Variants in TECR observed in about 807,000 individuals in gnomAD.
The protein encoded by TECR is trans-2,3-enoyl-CoA reductase, also known as very-long-chain enoyl-CoA reductase.
In TECR, 19 loss-of-function variants were observed where a neutral mutation model predicts 50.6. That is an observed-to-expected ratio of 0.38 (90% CI 0.26 to 0.55). TECR has a LOEUF of 0.55. Among genes scored for constraint, TECR ranks in the 20% least tolerant of loss-of-function variants. The pLI is 0.79. For missense variants in TECR, 313 were observed against 408.3 expected, an observed-to-expected ratio of 0.77 and a Z score of 2.01; for synonymous variants, 168 against 163.5, an observed-to-expected ratio of 1.03 and a Z score of -0.21.
At chr19:14,536,879 G>A (rs2072916526) in intron 1 of TECR, among the ~76,000 whole-genome samples, 1 of 151,282 alleles carries the variant, frequency 6.6e-6, no homozygotes, top group African/African-American at 2.4e-5. Flanking sequence ...GCTTGGTGCA[G>A]CACCTTGCAG....
At chr19:14,557,114 CTTATTTATTTAT>C (rs3050003) in intron 1 of TECR, among the ~76,000 whole-genome samples, 201 of 140,446 alleles carry the variant, frequency 1.4e-3, no homozygotes, top group African/African-American at 4.8e-3. Flanking sequence ...TTGGTCTAAT[CTTATTTATTTAT>C]TTATTTATTT....
intron 1 of TECR, chr19:14,562,055 C>T (rs1323447914): frequency 5.7e-6 from 2 of 351,490 alleles, no homozygotes; most frequent in African/African-American, 4.1e-5. Flanking sequence ...TTTGAGGTGA[C>T]CACTCAAAAG....
chr19:14,562,843 G>C (rs780663211), intron 2 of TECR, among the ~76,000 whole-genome samples: 5 of 152,142 alleles, frequency 3.3e-5, no homozygotes, highest in East Asian at 1.9e-4. Context: ...GGCCGGGCCT[G>C]GGGGAAGGGG....
In TECR at chr19:14,556,616, G is replaced by C. The variant is rs192317699; in HGVS notation, c.16-5909G>C. Among the ~76,000 whole-genome samples the C allele has an allele frequency of 2.6e-5, 4 of 152,216 alleles. No homozygotes were observed. The South Asian group carries it at 8.3e-4, about 32-fold the overall frequency. Reference sequence around the variant, plus strand: ...GCCATATCCCAGGAACTGGAACAGTGCCTGGGGTATGGGAAGGAGGGAGTC... The same window carrying C: ...GCCATATCCCAGGAACTGGAACAGTCCCTGGGGTATGGGAAGGAGGGAGTC... On this transcript the variant is annotated intron_variant, in intron 1 of 12. Transcript: ENST00000215567.
intron 1 of TECR, among the ~76,000 whole-genome samples, chr19:14,547,408 TG>T (rs1358136101): frequency 6.6e-6 from 1 of 152,178 alleles, no homozygotes; most frequent in Non-Finnish European, 1.5e-5. Flanking sequence ...TTGCCCAGGC[TG>T]GAGTGCAGTG....
At position 14,564,075 on chromosome 19, in the gene TECR, T is replaced by A; in HGVS notation, c.361T>A (p.Ser121Thr). 6.2e-7 allele frequency: 1 copy of A among 1,612,980 alleles called. No individual in the cohort carries two copies. Among genetic ancestry groups the A allele is most frequent in the Non-Finnish European group, 8.5e-7 (1 of 1,179,918 alleles). Residue 121 changes from serine (S) to threonine (T), a missense_variant, in exon 6 of 13, where the codon TCC becomes ACC. Physicochemically the swap from Ser to Thr is moderately conservative, Grantham distance 58 (BLOSUM62 1). Coordinates refer to ENST00000215567, the MANE Select transcript of TECR (RefSeq NM_138501.6). ...FIYGHKYDFT[S>T]SRHTVVHLAC... Reference sequence around the variant, plus strand: ...CTATGGCCACAAATATGACTTTACGTCCAGTCGGCATACAGTGGTGCAGTA... The same window carrying A: ...CTATGGCCACAAATATGACTTTACGACCAGTCGGCATACAGTGGTGCAGTA...
chr19:14,559,266 A>G (rs2073835180), intron 1 of TECR, among the ~76,000 whole-genome samples: 1 of 152,020 alleles, frequency 6.6e-6, no homozygotes, highest in East Asian at 1.9e-4. Context: ...TGCAGCCTCC[A>G]CCTCTGTCTC....
rs1258953177 is a variant in TECR, at chr19:14,543,587, C to T, written c.15+13876C>T. On this transcript the variant is annotated intron_variant, in intron 1 of 12. Coordinates refer to ENST00000215567, the MANE Select transcript of TECR (RefSeq NM_138501.6). ...CCGAGTAGCTGGGACTACAGGCGCCCGCTACCACGCCCGGCTAATTTTTTG... is the reference window on the plus strand; with the variant it reads ...CCGAGTAGCTGGGACTACAGGCGCCTGCTACCACGCCCGGCTAATTTTTTG... 1.5e-4 allele frequency among the ~76,000 whole-genome samples: 22 copies of T among 147,512 alleles called. No individual in the cohort carries two copies. In the East Asian group the frequency reaches 1.6e-3, roughly 11 times the overall value.
chr19:14,543,388 A>AATATATATATATATATATAT (rs777992038), intron 1 of TECR, among the ~76,000 whole-genome samples: 7 of 37,714 alleles, frequency 1.9e-4, no homozygotes, highest in Non-Finnish European at 2.5e-4. Context: ...TGTTTCAGAG[A>AATATATATATATATATATAT]ATATATATAT....
At position 14,529,621 on chromosome 19, in the gene TECR, G is replaced by T. The variant is rs199703577; in HGVS notation, c.-76G>T. ...TTAGTCTATCGCTGCGGTTGCGAGCGCTGTAGGGAGCCTGTGCTGTGCCGC... is the reference window on the plus strand; with the variant it reads ...TTAGTCTATCGCTGCGGTTGCGAGCTCTGTAGGGAGCCTGTGCTGTGCCGC... On this transcript the variant is annotated 5_prime_UTR_variant, in exon 1 of 13. Transcript: ENST00000215567. The T allele has an allele frequency of 4.8e-5, 78 of 1,609,140 alleles. No homozygotes were observed. Among genetic ancestry groups the T allele is most frequent in the Non-Finnish European group, 6.0e-5 (71 of 1,176,154 alleles).
At chr19:14,536,042 T>C (rs1243221585) in intron 1 of TECR, among the ~76,000 whole-genome samples, 1 of 152,088 alleles carries the variant, frequency 6.6e-6, no homozygotes, top group Non-Finnish European at 1.5e-5. Flanking sequence ...ATAATTTTTC[T>C]GGTTTAACTT....
At chr19:14,535,823 C>T (rs2072880241) in intron 1 of TECR, among the ~76,000 whole-genome samples, 1 of 148,570 alleles carries the variant, frequency 6.7e-6, no homozygotes, top group African/African-American at 2.5e-5. Context: ...AAAGACCTTT[C>T]CTATGTTAGC....
intron 1 of TECR, chr19:14,531,631 A>G (rs2072668863): frequency 1.3e-5 from 2 of 152,192 alleles, no homozygotes; most frequent in Non-Finnish European, 2.9e-5. Flanking sequence ...CATGTTGGTC[A>G]GGCTGGTCTC....
intron 1 of TECR, among the ~76,000 whole-genome samples, chr19:14,541,783 A>ATTT (rs113623037): frequency 7.4e-6 from 1 of 134,448 alleles, no homozygotes; most frequent in East Asian, 2.1e-4. Flanking sequence ...ACTTCTTTTC[A>ATTT]TTTTTTTTTT....
At chr19:14,558,829 G>A (rs936572989) in intron 1 of TECR, among the ~76,000 whole-genome samples, 12 of 152,126 alleles carry the variant, frequency 7.9e-5, no homozygotes, top group African/African-American at 2.9e-4. Context: ...CTGCCTCACC[G>A]CTTCTCCTGG....
chr19:14,540,961 A>C (rs113823799), intron 1 of TECR, among the ~76,000 whole-genome samples: 18 of 151,802 alleles, frequency 1.2e-4, no homozygotes, highest in African/African-American at 4.3e-4. Context: ...CAGGCTCCGG[A>C]GTAACTGGGA....
chr19:14,563,417 G>A lies in TECR; in HGVS notation c.118+160G>A. 1.2e-6 allele frequency: 1 copy of A among 842,174 alleles called. No individual in the cohort carries two copies. The highest frequency in any genetic ancestry group is 1.9e-6 in the Non-Finnish European group (1 of 516,600). The allele number at this position is 842,174 out of a possible 1,614,324, so 52.2% of individuals were successfully genotyped here. On this transcript the variant is annotated intron_variant, in intron 3 of 12. Coordinates refer to ENST00000215567, the MANE Select transcript of TECR (RefSeq NM_138501.6). This position sits in a 1 kb window ranked among gnomAD's most constrained non-coding sequence, Gnocchi z 5.3. The stretch of plus-strand genomic sequence containing the variant: ...TGACTGGGGCAGGCGCCTCCACGTG[G>A]CACTCCGCAGGAACGCCCTTGCTAG...
At chr19:14,556,659 T>G (rs1026111854) in intron 1 of TECR, among the ~76,000 whole-genome samples, 1 of 152,110 alleles carries the variant, frequency 6.6e-6, no homozygotes, top group African/African-American at 2.4e-5. Flanking sequence ...AATGAATGGA[T>G]AAATGAATGC....
chr19:14,535,321 C>T (rs1202196762), intron 1 of TECR, among the ~76,000 whole-genome samples: 1 of 150,820 alleles, frequency 6.6e-6, no homozygotes, highest in Non-Finnish European at 1.5e-5. Context: ...TCCTGGCTAA[C>T]ACAGTGAAAC....
Sources: allele counts gnomAD v4.1 joint callset (sites outside exome capture counted in the v4.1 genomes callset), GRCh38; gene constraint gnomAD v4.1.1; non-coding constraint Gnocchi (gnomAD v3.1); transcripts MANE v1.5; gene names NCBI Gene and HGNC (gene_info 2026-07-23, HGNC 2026-07-21).